The following SASH1 variants were observed in gnomAD, a reference collection of about 807,000 sequenced individuals.
SASH1 encodes the protein SAM and SH3 domain containing 1.
A neutral mutation model predicts 125.2 loss-of-function variants in SASH1; 44 were observed. The observed-to-expected ratio is 0.35, with a 90% CI of 0.28 to 0.45. The LOEUF (loss-of-function observed/expected upper bound fraction) is 0.45, where lower values mean the gene tolerates loss of function less well. Among genes scored for constraint, SASH1 ranks in the 20% least tolerant of loss-of-function variants. SASH1 has a pLI of 1.00. For missense variants in SASH1, 1,426 were observed against 1,614.5 expected (o/e 0.88, Z 2.00); for synonymous variants, 639 against 649.1 (o/e 0.98, Z 0.24).
At chr6:148,304,825 C>A (rs992269839) in intron 1 of SASH1, among the ~76,000 whole-genome samples, 4 of 152,078 alleles carry the variant, frequency 2.6e-5, no homozygotes, top group African/African-American at 9.7e-5. Context: ...GTCAGGAGTT[C>A]GAGATCAGCC....
chr6:148,534,098 G>A (rs1562492073), intron 15 of SASH1, 118 bp downstream of exon 15: 2 of 773,368 alleles, frequency 2.6e-6, no homozygotes, highest in Non-Finnish European at 4.2e-6. Flanking sequence ...GGTCCAATAA[G>A]GGCAGCTCGT....
Position 148,548,360 on chromosome 6 carries a change from G to A in SASH1, c.3546G>A (p.Val1182=). The part of the protein sequence containing the change: ...KPVSPGCISS[V]SDWLISIGLP... ...TCTCTCCTGGGTGCATTTCGTCTGT[G>A]TCAGATTGGCTCATTTCCATCGGTC... The change falls in exon 20 of 20, where the codon GTG becomes GTA. Residue 1182 remains valine, a synonymous_variant. Transcript: ENST00000367467. 3.1e-6 allele frequency: 5 copies of A among 1,614,218 alleles called. No individual in the cohort carries two copies. The highest frequency in any genetic ancestry group is 4.2e-6 in the Non-Finnish European group (5 of 1,180,030).
the SASH1 span, among the ~76,000 whole-genome samples, chr6:148,210,460 G>A: frequency 3.9e-5 from 6 of 152,220 alleles, no homozygotes; most frequent in South Asian, 2.1e-4. Context: ...TTGGACCCAG[G>A]AGGTGGAGGT....
the SASH1 span, among the ~76,000 whole-genome samples, chr6:148,213,941 A>G: frequency 6.6e-6 from 1 of 152,158 alleles, no homozygotes; most frequent in Non-Finnish European, 1.5e-5. Flanking sequence ...AGTCTTTTAT[A>G]TCTCTGCTTG....
intron 1 of SASH1, among the ~76,000 whole-genome samples, chr6:148,304,451 GA>G (rs145041781): frequency 1.6e-4 from 17 of 108,576 alleles, no homozygotes; most frequent in South Asian, 5.6e-4. Flanking sequence ...AAAAAGAAAA[GA>G]AAAAAAAAAT....
intron 1 of SASH1, among the ~76,000 whole-genome samples, chr6:148,322,115 C>T (rs1225549714): frequency 6.6e-6 from 1 of 152,142 alleles, no homozygotes; most frequent in East Asian, 1.9e-4. Flanking sequence ...CTTTGGGAGG[C>T]CGAGGCAAGC....
intron 2 of SASH1, among the ~76,000 whole-genome samples, chr6:148,417,305 G>T (rs1403845221): frequency 6.6e-6 from 1 of 152,158 alleles, no homozygotes; most frequent in Non-Finnish European, 1.5e-5. Flanking sequence ...GTGTATCCCT[G>T]GTCGGGCGCG....
At chr6:148,303,170 G>T (rs1364242781) in intron 1 of SASH1, among the ~76,000 whole-genome samples, 1 of 151,806 alleles carries the variant, frequency 6.6e-6, no homozygotes, top group African/African-American at 2.4e-5. Flanking sequence ...AGTAGAAACA[G>T]GGTTTCACCA....
intron 1 of SASH1, among the ~76,000 whole-genome samples, chr6:148,344,416 C>T (rs1256580872): frequency 6.6e-6 from 1 of 152,178 alleles, no homozygotes; most frequent in Non-Finnish European, 1.5e-5. Flanking sequence ...AGTCTCCTGT[C>T]TCTTCCTTCT....
chr6:148,267,451 T>C (rs1778974804), upstream of SASH1, among the ~76,000 whole-genome samples: 1 of 150,656 alleles, frequency 6.6e-6, no homozygotes, highest in South Asian at 2.1e-4. Context: ...AAATCTCGGC[T>C]CACTGCAAGC....
Position 148,519,606 on chromosome 6 carries a change from T to G in SASH1, c.922T>G (p.Ser308Ala), listed in dbSNP as rs1182251707. 6.2e-7 allele frequency: 1 copy of G among 1,614,042 alleles called. No individual in the cohort carries two copies. Among genetic ancestry groups the G allele is most frequent in the Admixed American group, 1.7e-5 (1 of 59,998 alleles). ...CCTGGATGAACGGTCCGCCCTCTACTCTGGCGTGCACAAGAAGCCCCTTTT... is the reference window on the plus strand; with the variant it reads ...CCTGGATGAACGGTCCGCCCTCTACGCTGGCGTGCACAAGAAGCCCCTTTT... ...PVLDERSALY[S>A]GVHKKPLFFD... The change falls in exon 10 of 20, where the codon TCT becomes GCT. Residue 308 changes from serine to alanine, a missense_variant. Transcript: ENST00000367467. The surrounding 1 kb of genome is among the most constrained non-coding windows in gnomAD (Gnocchi z 4.8).
chr6:148,413,135 A>G (rs982174880), intron 2 of SASH1, among the ~76,000 whole-genome samples: 1 of 152,174 alleles, frequency 6.6e-6, no homozygotes, highest in Non-Finnish European at 1.5e-5. Flanking sequence ...CATTAGTGAG[A>G]CTAAGTGACT....
intron 4 of SASH1, among the ~76,000 whole-genome samples, chr6:148,442,262 C>T (rs886876956): frequency 2.1e-4 from 32 of 149,142 alleles, no homozygotes; most frequent in African/African-American, 6.7e-4. Context: ...CCAAAATTAG[C>T]CAGGTGTGGT....
chr6:148,408,998 C>T (rs1281513258), intron 2 of SASH1, among the ~76,000 whole-genome samples: 1 of 152,234 alleles, frequency 6.6e-6, no homozygotes, highest in African/African-American at 2.4e-5. Context: ...CATTCACCTG[C>T]TATGCTTGTC....
At chr6:148,280,056 C>A (rs1779295113) in intron 1 of SASH1, among the ~76,000 whole-genome samples, 1 of 68,636 alleles carries the variant, frequency 1.5e-5, no homozygotes, top group Admixed American at 1.7e-4. Flanking sequence ...CCCCTAACAT[C>A]ATTCCCCCCC....
At chr6:148,528,583 T>C (rs993568378) in intron 12 of SASH1, among the ~76,000 whole-genome samples, 1 of 152,148 alleles carries the variant, frequency 6.6e-6, no homozygotes, top group African/African-American at 2.4e-5. Flanking sequence ...ATTACAGTGG[T>C]TCTCACGGGG....
At chr6:148,306,000 G>A (rs573721793) in intron 1 of SASH1, among the ~76,000 whole-genome samples, 80 of 152,254 alleles carry the variant, frequency 5.3e-4, no homozygotes, top group African/African-American at 1.7e-3. Context: ...TTATATGCTT[G>A]TATCAAAATA....
intron 16 of SASH1, among the ~76,000 whole-genome samples, chr6:148,539,092 CTTTT>C (rs58542800): frequency 7.0e-6 from 1 of 142,960 alleles, no homozygotes; most frequent in African/African-American, 2.6e-5. Flanking sequence ...TCCGATGCTG[CTTTT>C]TTTTTTTTTT....
At chr6:148,324,867 C>T (rs957363404) in intron 1 of SASH1, among the ~76,000 whole-genome samples, 3 of 152,160 alleles carry the variant, frequency 2.0e-5, no homozygotes, top group African/African-American at 7.2e-5. Flanking sequence ...CTAACTCACC[C>T]GGAACTGGGC....
Sources: allele counts gnomAD v4.1 joint callset (sites outside exome capture counted in the v4.1 genomes callset), GRCh38; gene constraint gnomAD v4.1.1; non-coding constraint Gnocchi (gnomAD v3.1); transcripts MANE v1.5; gene names NCBI Gene and HGNC (gene_info 2026-07-23, HGNC 2026-07-21).